Variants in ADGRG4 observed in about 807,000 individuals in gnomAD.
ADGRG4 encodes the protein adhesion G protein-coupled receptor G4, also known as G protein-coupled receptor 112.
In ADGRG4, 122 loss-of-function variants were observed where a neutral mutation model predicts 126.2. The ratio of observed to expected loss-of-function variants is 0.97; its 90% CI spans 0.83 to 1.12. ADGRG4 has a LOEUF of 1.12. ADGRG4 is among the 50% of genes most tolerant of loss of function. The pLI is 0.00. For missense variants in ADGRG4, 2,481 were observed against 2,251.8 expected (o/e 1.10, Z -2.06); for synonymous variants, 943 against 838.7 (o/e 1.12, Z -2.15).
At chrX:136,332,992 G>A (rs1357892441) in intron 5 of ADGRG4, among the ~76,000 whole-genome samples, 40 of 111,056 alleles carry the variant, frequency 3.6e-4, no homozygotes, top group South Asian at 7.6e-4. Context: ...TTTGCTGTGC[G>A]GAAGCTCTTT....
chrX:136,324,017 T>A (rs1391284409), intron 5 of ADGRG4, among the ~76,000 whole-genome samples: 5 of 111,900 alleles, frequency 4.5e-5, no homozygotes, highest in Non-Finnish European at 7.5e-5. Context: ...ATAATTAGAT[T>A]CAGGCTATGA....
At chrX:136,358,226 A>AG (rs1239059669) in intron 10 of ADGRG4, among the ~76,000 whole-genome samples, 32 of 110,696 alleles carry the variant, frequency 2.9e-4, no homozygotes, top group African/African-American at 9.2e-4. Context: ...AATGGAGTAG[A>AG]GGGTCTGTCG....
intron 19 of ADGRG4, among the ~76,000 whole-genome samples, 180 bp from the exon 20 acceptor site, chrX:136,397,701 A>C (rs949901781): frequency 9.0e-6 from 1 of 111,239 alleles, no homozygotes; most frequent in Non-Finnish European, 1.9e-5. Context: ...CAGTTGGACT[A>C]GGCATACTCA....
At chrX:136,318,076 A>G (rs1211094037) in intron 4 of ADGRG4, among the ~76,000 whole-genome samples, 1 of 112,699 alleles carries the variant, frequency 8.9e-6, no homozygotes, top group Non-Finnish European at 1.9e-5. Flanking sequence ...ATGTGTTCAA[A>G]CAAAACAAAT....
At chrX:136,396,280 T>A (rs1270014673) in intron 19 of ADGRG4, among the ~76,000 whole-genome samples, 1 of 109,033 alleles carries the variant, frequency 9.2e-6, no homozygotes, top group African/African-American at 3.3e-5. Flanking sequence ...CATACTGTTA[T>A]CTGAATGTGT....
intron 5 of ADGRG4, among the ~76,000 whole-genome samples, chrX:136,335,279 G>T (rs2074941769): frequency 9.1e-6 from 1 of 109,774 alleles, no homozygotes; most frequent in African/African-American, 3.3e-5. Flanking sequence ...CATTTAGTTT[G>T]CTCATATATT....
chrX:136,347,828 T>C lies in ADGRG4; in HGVS notation c.4122T>C (p.Thr1374=), dbSNP rs367750296. ...CCTCACAAGCTCTGACAATCACCAC[T>C]TTTTTGTGTCCTGAAAAGGAAAGCA... The part of the protein sequence containing the change: ...ALPSQALTIT[T]FLCPEKESTS... The change falls in exon 6 of 26, where the codon ACT becomes ACC. Residue 1374 remains threonine, a synonymous_variant. Coordinates refer to ENST00000394143, the MANE Select transcript of ADGRG4 (RefSeq NM_153834.4). The C allele has an allele frequency of 5.0e-6, 6 of 1,206,798 alleles. No homozygotes were observed. In the African/African-American group the frequency reaches 1.1e-4, roughly 21 times the overall value.
intron 23 of ADGRG4, among the ~76,000 whole-genome samples, chrX:136,409,090 A>ACACAC (rs2148501704): frequency 2.0e-5 from 2 of 98,715 alleles, no homozygotes; most frequent in African/African-American, 7.8e-5. Flanking sequence ...CACACACACA[A>ACACAC]CCCGAATAAC....
chrX:136,365,357 A>G (rs766941879), intron 13 of ADGRG4, among the ~76,000 whole-genome samples: 1 of 111,428 alleles, frequency 9.0e-6, no homozygotes, highest in African/African-American at 3.3e-5. Context: ...AATTTGGGGC[A>G]TTTCATGTTT....
intron 5 of ADGRG4, among the ~76,000 whole-genome samples, chrX:136,343,923 C>A (rs1331604258): frequency 8.9e-6 from 1 of 111,897 alleles, no homozygotes; most frequent in African/African-American, 3.2e-5. Flanking sequence ...ATGGAGCCAG[C>A]ATTTAAAACT....
At chrX:136,399,286 A>G (rs1345057779) in intron 20 of ADGRG4, among the ~76,000 whole-genome samples, 1 of 112,619 alleles carries the variant, frequency 8.9e-6, no homozygotes, top group African/African-American at 3.2e-5. Context: ...AAAAAAATTC[A>G]CACAAAATGA....
chrX:136,302,261 A>C (rs1201287673), intron 1 of ADGRG4, among the ~76,000 whole-genome samples: 2 of 111,444 alleles, frequency 1.8e-5, no homozygotes, highest in Non-Finnish European at 3.8e-5. Context: ...TATTTCACTG[A>C]GCAATGGTTT....
intron 15 of ADGRG4, among the ~76,000 whole-genome samples, chrX:136,384,076 T>C: frequency 9.2e-6 from 1 of 108,845 alleles, no homozygotes; most frequent in Admixed American, 9.9e-5. Flanking sequence ...TTTATTTATT[T>C]ATTTTTTTAT....
intron 15 of ADGRG4, among the ~76,000 whole-genome samples, chrX:136,380,086 G>T (rs1405111548): frequency 9.2e-6 from 1 of 108,805 alleles, no homozygotes. Context: ...AACTCTGAAT[G>T]TGGTGAAAGC....
At chrX:136,355,250 C>T (rs1489816666) in intron 8 of ADGRG4, among the ~76,000 whole-genome samples, 2 of 110,496 alleles carry the variant, frequency 1.8e-5, no homozygotes, top group Non-Finnish European at 3.8e-5. Context: ...CACACACACA[C>T]ACAGAGACAC....
chrX:136,357,620 A>C, intron 9 of ADGRG4, 84 bp from the exon 10 acceptor site: 1 of 642,629 alleles, frequency 1.6e-6, no homozygotes, highest in South Asian at 2.8e-5. Flanking sequence ...ATAATTATAT[A>C]ATTGTTGTTA....
chrX:136,383,873 T>TC lies in ADGRG4; in HGVS notation c.7777-3866dup, dbSNP rs1404940097. 5.0e-4 allele frequency among the ~76,000 whole-genome samples: 46 copies of TC among 92,185 alleles called. 1 individual carries two copies. The highest frequency in any genetic ancestry group is 5.0e-3 in the Middle Eastern group (1 of 199). 80.1% of individuals were successfully genotyped at this position (92,185 alleles called of 115,157 possible). ...TTCTTTCTTTCTTTCTTTCTTTCTT[T>TC]CTTCTTTCTTCCTTTCCTTTCCTTT... On this transcript the variant is annotated intron_variant, in intron 15 of 25. Coordinates refer to ENST00000394143, the MANE Select transcript of ADGRG4 (RefSeq NM_153834.4).
intron 4 of ADGRG4, 40 bp from the exon 5 acceptor site, chrX:136,322,738 T>A: frequency 2.7e-6 from 3 of 1,121,545 alleles, no homozygotes; most frequent in Middle Eastern, 2.5e-4. Flanking sequence ...TAACAGAAAT[T>A]TCATTTGTTT....
rs968510609 is a variant in ADGRG4 at position 136,338,904 on chromosome X, C to A, written c.686-5488C>A. Among the ~76,000 whole-genome samples the A allele has an allele frequency of 3.6e-5, 4 of 111,762 alleles. No individual in the cohort carries two copies. In the East Asian group the frequency reaches 1.1e-3, roughly 31 times the overall value. ...GGTCCATTTTTGTGGGCTGTGCTTCCAAATACAACTTAATTTTTATAGTCT... is the reference window on the plus strand; with the variant it reads ...GGTCCATTTTTGTGGGCTGTGCTTCAAAATACAACTTAATTTTTATAGTCT... On this transcript the variant is annotated intron_variant, in intron 5 of 25. Coordinates refer to ENST00000394143, the MANE Select transcript of ADGRG4 (RefSeq NM_153834.4).
Sources: allele counts gnomAD v4.1 joint callset (sites outside exome capture counted in the v4.1 genomes callset), GRCh38; gene constraint gnomAD v4.1.1; transcripts MANE v1.5; gene names NCBI Gene and HGNC (gene_info 2026-07-23, HGNC 2026-07-21).